Variants in LRP1B observed in about 807,000 individuals in gnomAD.
The protein encoded by LRP1B is low-density lipoprotein receptor-related protein 1B.
Under a neutral mutation model 556.6 loss-of-function variants are expected in LRP1B, and 217 were observed. The observed-to-expected ratio is 0.39, with a 90% CI of 0.35 to 0.44. The LOEUF (loss-of-function observed/expected upper bound fraction) is 0.44, where lower values mean the gene tolerates loss of function less well. LRP1B is among the 20% of genes least tolerant of loss of function. The pLI is 1.00. For missense variants in LRP1B, 5,053 were observed against 5,620.8 expected, an observed-to-expected ratio of 0.90 and a Z score of 3.23; for synonymous variants, 2,047 against 1,865.8, an observed-to-expected ratio of 1.10 and a Z score of -2.50.
intron 1 of LRP1B, among the ~76,000 whole-genome samples, chr2:142,062,583 C>T (rs1335193082): frequency 6.6e-6 from 1 of 151,666 alleles, no homozygotes; most frequent in African/African-American, 2.4e-5. Flanking sequence ...TCAGGGATGA[C>T]ACAGCATTTG....
At chr2:140,791,345 C>G (rs1690112853) in intron 32 of LRP1B, among the ~76,000 whole-genome samples, 1 of 151,920 alleles carries the variant, frequency 6.6e-6, no homozygotes, top group South Asian at 2.1e-4. Context: ...GGGAGAATCA[C>G]CTGAGCCCAG....
intron 32 of LRP1B, among the ~76,000 whole-genome samples, chr2:140,808,813 T>C (rs957808591): frequency 6.6e-6 from 1 of 152,156 alleles, no homozygotes; most frequent in Non-Finnish European, 1.5e-5. Flanking sequence ...CAAATAATAG[T>C]TACACCTGAC....
chr2:141,840,541 G>C (rs1052360909), intron 1 of LRP1B, among the ~76,000 whole-genome samples: 2 of 152,038 alleles, frequency 1.3e-5, no homozygotes, highest in African/African-American at 4.8e-5. Context: ...ACAGGTGAGA[G>C]CCACCACGCC....
At chr2:140,871,886 C>T (rs1693140560) in intron 25 of LRP1B, among the ~76,000 whole-genome samples, 1 of 151,940 alleles carries the variant, frequency 6.6e-6, no homozygotes, top group South Asian at 2.1e-4. Flanking sequence ...TTTATCCTAG[C>T]TGAAATATGG....
At chr2:141,667,585 T>C (rs12993814) in intron 2 of LRP1B, among the ~76,000 whole-genome samples, 13,954 of 152,218 alleles carry the variant, frequency 0.092, 687 homozygotes, top group South Asian at 0.15. Flanking sequence ...CACAGCATTA[T>C]AAAAGGAAAT....
intron 7 of LRP1B, among the ~76,000 whole-genome samples, chr2:141,181,374 G>A (rs1413777140): frequency 6.6e-6 from 1 of 151,886 alleles, no homozygotes; most frequent in African/African-American, 2.4e-5. Flanking sequence ...ATATGTAGTT[G>A]TTTTTCTGTT....
chr2:140,628,897 TGCTCCAGCC>T (rs2105271330), intron 41 of LRP1B, among the ~76,000 whole-genome samples: 1 of 152,248 alleles, frequency 6.6e-6, no homozygotes, highest in African/African-American at 2.4e-5. Context: ...CTCTTCCTCC[TGCTCCAGCC>T]ATATAGGCCA....
At chr2:142,032,036 C>T (rs1574614866) in intron 1 of LRP1B, among the ~76,000 whole-genome samples, 1 of 151,958 alleles carries the variant, frequency 6.6e-6, no homozygotes, top group East Asian at 1.9e-4. Flanking sequence ...GGGAGCATGG[C>T]CCTGCCAACG....
chr2:141,743,971 ATTGTT>A (rs1406556464), intron 2 of LRP1B, among the ~76,000 whole-genome samples: 1 of 136,002 alleles, frequency 7.4e-6, no homozygotes, highest in Non-Finnish European at 1.6e-5. Flanking sequence ...GATTCTTTAT[ATTGTT>A]TTATTTCAAT....
At chr2:140,319,891 C>G (rs1680007005) in intron 82 of LRP1B, among the ~76,000 whole-genome samples, 1 of 152,140 alleles carries the variant, frequency 6.6e-6, no homozygotes. Context: ...TAATTGGCAC[C>G]AAAATGCCCG....
intron 2 of LRP1B, among the ~76,000 whole-genome samples, chr2:141,787,267 G>A (rs1470341557): frequency 6.6e-6 from 1 of 151,898 alleles, no homozygotes; most frequent in African/African-American, 2.4e-5. Flanking sequence ...GCAAACTTAT[G>A]TTAACACAAA....
At chr2:141,962,287 GC>G (rs1414579276) in intron 1 of LRP1B, among the ~76,000 whole-genome samples, 1 of 151,666 alleles carries the variant, frequency 6.6e-6, no homozygotes. Flanking sequence ...TTTTCAGAAA[GC>G]ACATGTGGGG....
rs201383391 is a variant in LRP1B at position 140,492,584 on chromosome 2, G to A, written c.9120+24C>T. The A allele has an allele frequency of 1.0e-4, 155 of 1,532,354 alleles. 1 individual carries two copies. Among genetic ancestry groups the A allele is most frequent in the African/African-American group, 3.8e-4 (28 of 73,236 alleles). 94.9% of individuals were successfully genotyped at this position (1,532,354 alleles called of 1,614,324 possible). A position where few individuals can be genotyped will look rare whatever the true frequency, so the allele number is the denominator to read the frequency against. ...ACCTAGTGCACATGTTAAATGTTAC[G>A]GTGTCATCTTGGGAGTGTCATACCT... On this transcript the variant is annotated intron_variant, in intron 57 of 90. Coordinates refer to ENST00000389484, the MANE Select transcript of LRP1B (RefSeq NM_018557.3).
intron 32 of LRP1B, among the ~76,000 whole-genome samples, chr2:140,798,478 G>GT (rs1690394582): frequency 2.0e-5 from 3 of 151,936 alleles, no homozygotes; most frequent in South Asian, 4.1e-4. Context: ...TTTTTTAAGG[G>GT]TTTTTTTGTT....
rs558003085 is a variant in LRP1B, at chr2:141,225,650, TAATA to T, written c.850+3529_850+3532del. ...GCAACTTTCAAGCTAAAATGCTAAATAATAAATATCAGTTATCGTTATAAAAAAG... is the reference window on the plus strand; with the variant it reads ...GCAACTTTCAAGCTAAAATGCTAAATAATATCAGTTATCGTTATAAAAAAG... On this transcript the variant is annotated intron_variant, in intron 6 of 90. Transcript: ENST00000389484. 1.3e-3 allele frequency among the ~76,000 whole-genome samples: 195 copies of T among 152,268 alleles called. 1 individual carries two copies. Among genetic ancestry groups the T allele is most frequent in the African/African-American group, 4.3e-3 (180 of 41,556 alleles).
chr2:140,502,030 C>A (rs567644601), intron 54 of LRP1B, among the ~76,000 whole-genome samples, 156 bp from the exon 55 acceptor site: 1 of 151,880 alleles, frequency 6.6e-6, no homozygotes. Flanking sequence ...ATATCTTACA[C>A]CTAAAGTTCA....
chr2:142,091,717 T>C (rs1444440349), intron 1 of LRP1B, among the ~76,000 whole-genome samples: 1 of 152,086 alleles, frequency 6.6e-6, no homozygotes, highest in African/African-American at 2.4e-5. Flanking sequence ...AGGTAGACAA[T>C]GTGTTAAGCC....
At chr2:140,847,042 G>T (rs1020638732) in intron 29 of LRP1B, among the ~76,000 whole-genome samples, 1 of 152,146 alleles carries the variant, frequency 6.6e-6, no homozygotes, top group African/African-American at 2.4e-5. Context: ...ATGTCCAATT[G>T]ATTGTTAAGT....
intron 66 of LRP1B, among the ~76,000 whole-genome samples, chr2:140,388,389 T>C (rs942638713): frequency 2.6e-5 from 4 of 152,176 alleles, no homozygotes; most frequent in African/African-American, 7.2e-5. Flanking sequence ...GGTTAATATT[T>C]GGTAATGACA....
Sources: allele counts gnomAD v4.1 joint callset (sites outside exome capture counted in the v4.1 genomes callset), GRCh38; gene constraint gnomAD v4.1.1; transcripts MANE v1.5; gene names NCBI Gene and HGNC (gene_info 2026-07-23, HGNC 2026-07-21).